Variants in NRDC observed in about 807,000 individuals in gnomAD.
NRDC encodes the protein nardilysin convertase, also known as nardilysin.
A neutral mutation model predicts 147.1 loss-of-function variants in NRDC; 54 were observed. The observed-to-expected ratio is 0.37, with a 90% CI of 0.29 to 0.46. NRDC has a LOEUF of 0.46. Among genes scored for constraint, NRDC ranks in the 20% least tolerant of loss-of-function variants. The pLI, the probability that NRDC is intolerant of heterozygous loss-of-function variation, is 1.00. For missense variants in NRDC, 1,082 were observed against 1,370.6 expected, an observed-to-expected ratio of 0.79 and a Z score of 3.33; for synonymous variants, 440 against 482.1, an observed-to-expected ratio of 0.91 and a Z score of 1.14.
intron 4 of NRDC, among the ~76,000 whole-genome samples, chr1:51,829,730 C>A (rs887650294): frequency 6.6e-6 from 1 of 151,980 alleles, no homozygotes; most frequent in East Asian, 1.9e-4. Flanking sequence ...GTGCTATATG[C>A]TATATTTGGG....
intron 16 of NRDC, among the ~76,000 whole-genome samples, chr1:51,809,793 T>C (rs1679628956): frequency 6.6e-6 from 1 of 151,898 alleles, no homozygotes; most frequent in South Asian, 2.1e-4. Flanking sequence ...TCCCAGCTAC[T>C]TGGGAAGCAG....
chr1:51,829,257 A>G (rs113706518), intron 4 of NRDC, among the ~76,000 whole-genome samples: 3,965 of 152,174 alleles, frequency 0.026, 119 homozygotes, highest in South Asian at 0.098. Flanking sequence ...TGTTACCCAG[A>G]CTGGTCTCCA....
At chr1:51,840,096 T>C (rs1681189838) in intron 2 of NRDC, 130 bp downstream of exon 2, 1 of 650,152 alleles carries the variant, frequency 1.5e-6, no homozygotes, top group African/African-American at 1.8e-5. Context: ...GTAATCCTGA[T>C]ACAGAATAGA....
At chr1:51,874,791 A>ATAAT (rs1683245594) in intron 1 of NRDC, among the ~76,000 whole-genome samples, 1 of 152,194 alleles carries the variant, frequency 6.6e-6, no homozygotes, top group Non-Finnish European at 1.5e-5. Flanking sequence ...CTAAAAAAGC[A>ATAAT]TAATAGGTGT....
At chr1:51,805,108 A>G (rs182053357) in intron 19 of NRDC, among the ~76,000 whole-genome samples, 5 of 152,366 alleles carry the variant, frequency 3.3e-5, no homozygotes, top group African/African-American at 9.6e-5. Context: ...AATGAAAGCT[A>G]TCTACATAAA....
intron 22 of NRDC, 79 bp downstream of exon 22, chr1:51,798,170 C>T: frequency 7.0e-7 from 1 of 1,424,256 alleles, no homozygotes; most frequent in South Asian, 1.2e-5. Flanking sequence ...ACTACAGCTT[C>T]CCCTTTAGGA....
At chr1:51,833,564 A>G (rs1680813997) in intron 4 of NRDC, among the ~76,000 whole-genome samples, 1 of 152,150 alleles carries the variant, frequency 6.6e-6, no homozygotes, top group Non-Finnish European at 1.5e-5. Flanking sequence ...TAATAGAACA[A>G]GAGTCAAAGT....
At chr1:51,841,583 AG>A (rs1232526704) in intron 1 of NRDC, among the ~76,000 whole-genome samples, 1 of 152,238 alleles carries the variant, frequency 6.6e-6, no homozygotes, top group Non-Finnish European at 1.5e-5. Context: ...CTGGGACTAC[AG>A]GCATAAGCCA....
rs1443940715 is a variant in NRDC, at chr1:51,810,351, T to C, written c.1833A>G (p.Leu611=). 3 of 1,612,080 alleles carry C rather than the reference T, an allele frequency of 1.9e-6. No homozygotes were observed. The highest frequency in any genetic ancestry group is 2.5e-6 in the Non-Finnish European group (3 of 1,178,792). ...ATTTTCCCTCATTAGCACCAGACAGTAAAACAAGATTTGCTTTTTGAGGAA... is the reference window on the plus strand; with the variant it reads ...ATTTTCCCTCATTAGCACCAGACAGCAAAACAAGATTTGCTTTTTGAGGAA... ...QLVPQKANLV[L]LSGANEGKCD... is the part of the protein sequence containing the mutation. Residue 611 remains leucine (L), a synonymous_variant, in exon 16 of 31, where the codon TTA becomes TTG. Coordinates refer to ENST00000352171, the MANE Select transcript of NRDC (RefSeq NM_001101662.2).
rs1302222156 is a variant in NRDC at position 51,809,962 on chromosome 1, CCT to C, written c.1903+317_1903+318del. On this transcript the variant is annotated intron_variant, in intron 16 of 30. Coordinates refer to ENST00000352171, the MANE Select transcript of NRDC (RefSeq NM_001101662.2). ...GCAGAATCTCAGGCCCTACCCAGACCCTCTGACTCAGAATCTGCATTTTAGTA... is the reference window on the plus strand; with the variant it reads ...GCAGAATCTCAGGCCCTACCCAGACCCTGACTCAGAATCTGCATTTTAGTA... 1.1e-4 allele frequency among the ~76,000 whole-genome samples: 17 copies of C among 151,962 alleles called. No individual in the cohort carries two copies. The East Asian group carries it at 2.9e-3, about 26-fold the overall frequency.
intron 2 of NRDC, among the ~76,000 whole-genome samples, chr1:51,837,005 C>CAG (rs1681015350): frequency 1.4e-5 from 2 of 146,610 alleles, no homozygotes; most frequent in Non-Finnish European, 3.0e-5. Context: ...TGGTCTCAAA[C>CAG]TCCTGGACTC....
At chr1:51,789,830 C>T in intron 29 of NRDC, 173 bp from the exon 30 acceptor site, 1 of 600,250 alleles carries the variant, frequency 1.7e-6, no homozygotes, top group Admixed American at 2.9e-5. Context: ...AGCTCTCTGG[C>T]ATGCCTTCAC....
chr1:51,868,909 A>G (rs1682949539), intron 1 of NRDC, among the ~76,000 whole-genome samples: 1 of 152,146 alleles, frequency 6.6e-6, no homozygotes, highest in Non-Finnish European at 1.5e-5. Flanking sequence ...TTAAAATGTT[A>G]CCAGTGGTTA....
intron 1 of NRDC, among the ~76,000 whole-genome samples, chr1:51,863,775 G>C (rs1370725964): frequency 6.6e-6 from 1 of 152,142 alleles, no homozygotes; most frequent in African/African-American, 2.4e-5. Flanking sequence ...AAAAATATGA[G>C]AAGAATCTAA....
At chr1:51,863,355 T>C (rs529751242) in intron 1 of NRDC, among the ~76,000 whole-genome samples, 9 of 152,206 alleles carry the variant, frequency 5.9e-5, no homozygotes, top group Admixed American at 2.0e-4. Context: ...TGGGCCAAGA[T>C]TGCACTGCTG....
chr1:51,818,332 G>A (rs75424646), intron 9 of NRDC, among the ~76,000 whole-genome samples, 197 bp from the exon 10 acceptor site: 1,955 of 152,238 alleles, frequency 0.013, 46 homozygotes, highest in African/African-American at 0.045. Context: ...TTTGGTTTCA[G>A]AGGTAGAGAA....
chr1:51,868,593 G>A (rs369994897), intron 1 of NRDC, among the ~76,000 whole-genome samples: 3 of 152,280 alleles, frequency 2.0e-5, no homozygotes, highest in African/African-American at 7.2e-5. Context: ...GTACTGTCTG[G>A]CTGGGCACAG....
chr1:51,798,568 C>A, intron 21 of NRDC, 157 bp from the exon 22 acceptor site: 2 of 602,088 alleles, frequency 3.3e-6, no homozygotes, highest in Non-Finnish European at 5.6e-6. Flanking sequence ...TCAGATTAAC[C>A]AAAAAAGTAC....
At position 51,816,394 on chromosome 1, in the gene NRDC, TA is replaced by T; in HGVS notation, c.1362-6del. The T allele has an allele frequency of 1.3e-6, 2 of 1,549,434 alleles. No homozygotes were observed. The highest frequency in any genetic ancestry group is 3.8e-5 in the Admixed American group (2 of 52,396). On this transcript the variant is annotated splice_region_variant and splice_polypyrimidine_tract_variant and intron_variant, in intron 10 of 30. Transcript: ENST00000352171. ...ATATAATGAAGTGGCTTCACCCTTT[TA>T]AAAAAATTTAATGGTCAGAAGAAAA...
Sources: allele counts gnomAD v4.1 joint callset (sites outside exome capture counted in the v4.1 genomes callset), GRCh38; gene constraint gnomAD v4.1.1; transcripts MANE v1.5; gene names NCBI Gene and HGNC (gene_info 2026-07-23, HGNC 2026-07-21).